C8orf34: variants seen among roughly 807,000 people sequenced by gnomAD.
C8orf34 encodes chromosome 8 open reading frame 34, also known as uncharacterized protein C8orf34.
In C8orf34, 65 loss-of-function variants were observed where a neutral mutation model predicts 68.3. That is an observed-to-expected ratio of 0.95 (90% CI 0.78 to 1.17). C8orf34 has a LOEUF of 1.17. Among genes scored for constraint, C8orf34 ranks in the 50% most tolerant of loss-of-function variants. The pLI is 0.00. For missense variants in C8orf34, 664 were observed against 655.4 expected (o/e 1.01, Z -0.14); for synonymous variants, 244 against 241.2 (o/e 1.01, Z -0.11).
intron 8 of C8orf34, among the ~76,000 whole-genome samples, chr8:68,675,285 ATGG>A (rs1820148467): frequency 6.6e-6 from 1 of 152,184 alleles, no homozygotes; most frequent in South Asian, 2.1e-4. Context: ...TAATACTGTA[ATGG>A]TGGTTTGTAA....
chr8:68,611,804 G>A (rs1437838761), intron 7 of C8orf34, among the ~76,000 whole-genome samples: 2 of 152,092 alleles, frequency 1.3e-5, no homozygotes, highest in African/African-American at 4.8e-5. Context: ...TGTTAGTTAA[G>A]TCTCCAGCTT....
At chr8:68,525,956 CTT>C (rs10692707) in intron 6 of C8orf34, 3,322 of 177,456 alleles carry the variant, frequency 0.019, no homozygotes, top group South Asian at 0.047. Context: ...TTCTTTCTTT[CTT>C]TTTTTTTTTT....
chr8:68,409,421 G>A (rs1809349096), intron 1 of C8orf34, among the ~76,000 whole-genome samples: 1 of 152,116 alleles, frequency 6.6e-6, no homozygotes, highest in Non-Finnish European at 1.5e-5. Context: ...GCTAATGTGT[G>A]TGTTTGTGCC....
intron 1 of C8orf34, among the ~76,000 whole-genome samples, chr8:68,388,550 C>G (rs531497891): frequency 2.6e-5 from 4 of 152,178 alleles, no homozygotes; most frequent in African/African-American, 9.6e-5. Flanking sequence ...CCACTTTTCC[C>G]CCACCCCTTC....
At chr8:68,544,954 T>C (rs1490677517) in intron 7 of C8orf34, among the ~76,000 whole-genome samples, 8 of 151,892 alleles carry the variant, frequency 5.3e-5, no homozygotes, top group Admixed American at 4.6e-4. Context: ...GAAAGAAAAA[T>C]AATGGAAAAA....
At chr8:68,806,934 A>AGAT (rs1824505826) in intron 12 of C8orf34, among the ~76,000 whole-genome samples, 1 of 152,166 alleles carries the variant, frequency 6.6e-6, no homozygotes, top group Admixed American at 6.5e-5. Flanking sequence ...CTGGGGCTGG[A>AGAT]GATACACTTG....
chr8:68,345,159 C>T (rs1052621181), intron 1 of C8orf34, among the ~76,000 whole-genome samples: 22 of 151,650 alleles, frequency 1.5e-4, no homozygotes, highest in African/African-American at 3.4e-4. Flanking sequence ...AAAATCTTTG[C>T]GTAATCTGTA....
At chr8:68,757,738 A>T (rs969047657) in intron 10 of C8orf34, among the ~76,000 whole-genome samples, 1 of 152,214 alleles carries the variant, frequency 6.6e-6, no homozygotes, top group African/African-American at 2.4e-5. Context: ...CTGAATTTTG[A>T]TTCTCTTCTG....
intron 7 of C8orf34, among the ~76,000 whole-genome samples, chr8:68,633,411 C>A (rs2130706720): frequency 6.6e-6 from 1 of 152,244 alleles, no homozygotes. Context: ...TGGGGTTGAT[C>A]ACATAATATT....
At chr8:68,529,059 A>G (rs1459084168) in intron 6 of C8orf34, among the ~76,000 whole-genome samples, 1 of 152,094 alleles carries the variant, frequency 6.6e-6, no homozygotes, top group Non-Finnish European at 1.5e-5. Flanking sequence ...CTCCTAGCTC[A>G]TTCCCCTCAG....
chr8:68,561,763 AAAAAG>A (rs1816436661), intron 7 of C8orf34, among the ~76,000 whole-genome samples: 2 of 152,202 alleles, frequency 1.3e-5, no homozygotes, highest in African/African-American at 2.4e-5. Flanking sequence ...ATCTCAAAAG[AAAAAG>A]AAAAGAAACC....
At chr8:68,622,984 G>A (rs376958325) in intron 7 of C8orf34, among the ~76,000 whole-genome samples, 2 of 152,322 alleles carry the variant, frequency 1.3e-5, no homozygotes, top group African/African-American at 2.4e-5. Context: ...AGACCCTTGC[G>A]GAGCAAGTCT....
At chr8:68,600,822 A>G (rs760631920) in intron 7 of C8orf34, among the ~76,000 whole-genome samples, 13 of 152,166 alleles carry the variant, frequency 8.5e-5, no homozygotes, top group Non-Finnish European at 1.6e-4. Context: ...ATTGTTAACC[A>G]TAGTCACTCT....
chr8:68,515,623 C>A (rs572069852), intron 5 of C8orf34, among the ~76,000 whole-genome samples: 1 of 152,220 alleles, frequency 6.6e-6, no homozygotes, highest in Admixed American at 6.5e-5. Flanking sequence ...TTAATATGTT[C>A]TGAGTAAAAT....
chr8:68,787,461 T>C lies in C8orf34; in HGVS notation c.1474T>C (p.Leu492=). Residue 492 remains leucine (L), a synonymous_variant, in exon 12 of 14, where the codon TTG becomes CTG. Transcript: ENST00000518698. ...YMEEDESLKQ[L]QVVHQPWILP... ...TTTGCAGGATGAATCCTTAAAGCAA[T>C]TGCAGGTAGTTCATCAACCATGGAT... The C allele has an allele frequency of 1.2e-6, 2 of 1,611,848 alleles. No individual in the cohort carries two copies. Among genetic ancestry groups the C allele is most frequent in the Non-Finnish European group, 1.7e-6 (2 of 1,178,580 alleles).
At chr8:68,400,105 A>T (rs1178426292) in intron 1 of C8orf34, among the ~76,000 whole-genome samples, 1 of 152,072 alleles carries the variant, frequency 6.6e-6, no homozygotes. Context: ...ATTTTCTCCC[A>T]TTTGGCAAGC....
intron 10 of C8orf34, among the ~76,000 whole-genome samples, chr8:68,754,611 G>A (rs115163678): frequency 0.01 from 1,553 of 152,290 alleles, 32 homozygotes; most frequent in African/African-American, 0.035. Flanking sequence ...GTGAATTAAC[G>A]TCTGAGCTAA....
chr8:68,779,955 A>G (rs756049537), intron 11 of C8orf34, among the ~76,000 whole-genome samples: 5 of 152,204 alleles, frequency 3.3e-5, no homozygotes, highest in Non-Finnish European at 7.3e-5. Context: ...ACAGATGTAA[A>G]ATGAACACAT....
chr8:68,406,049 G>A (rs963685668), intron 1 of C8orf34, among the ~76,000 whole-genome samples: 4 of 152,146 alleles, frequency 2.6e-5, no homozygotes, highest in Admixed American at 1.3e-4. Context: ...TCATTTATAG[G>A]GTGGAGAGTT....
Sources: allele counts gnomAD v4.1 joint callset (sites outside exome capture counted in the v4.1 genomes callset), GRCh38; gene constraint gnomAD v4.1.1; transcripts MANE v1.5; gene names NCBI Gene and HGNC (gene_info 2026-07-23, HGNC 2026-07-21).